Variants in PTPRT observed in about 807,000 individuals in gnomAD.
PTPRT encodes the protein receptor-type tyrosine-protein phosphatase T.
PTPRT carries 56 observed loss-of-function variants against 176.8 expected under a neutral mutation model. That is an observed-to-expected ratio of 0.32 (90% CI 0.26 to 0.40). PTPRT has a LOEUF of 0.40. Among genes scored for constraint, PTPRT ranks in the 10% least tolerant of loss-of-function variants. PTPRT has a pLI of 1.00. For synonymous variants in PTPRT, 783 were observed against 739.0 expected, an observed-to-expected ratio of 1.06 and a Z score of -0.96; for missense variants, 1,540 against 1,908.2, an observed-to-expected ratio of 0.81 and a Z score of 3.60.
At chr20:43,183,048 C>G (rs906793307) in intron 1 of PTPRT, among the ~76,000 whole-genome samples, 1 of 152,154 alleles carries the variant, frequency 6.6e-6, no homozygotes, top group Admixed American at 6.5e-5. Flanking sequence ...CAAATTAGCA[C>G]TCAGAAAGGC....
intron 1 of PTPRT, among the ~76,000 whole-genome samples, chr20:43,086,055 C>T (rs753344341): frequency 3.9e-5 from 6 of 152,090 alleles, no homozygotes; most frequent in Non-Finnish European, 7.4e-5. Flanking sequence ...AGGAATTACA[C>T]GATGGCCCAA....
At chr20:42,082,499 A>C (rs1358383807) in intron 29 of PTPRT, among the ~76,000 whole-genome samples, 2 of 152,202 alleles carry the variant, frequency 1.3e-5, no homozygotes, top group Non-Finnish European at 2.9e-5. Flanking sequence ...TTTTCCTACT[A>C]GTTCTTCCCA....
intron 7 of PTPRT, among the ~76,000 whole-genome samples, chr20:42,587,076 A>G (rs2073483863): frequency 6.6e-6 from 1 of 152,058 alleles, no homozygotes. Context: ...CCTCAACCAC[A>G]TTTCAGCACC....
chr20:42,530,451 G>C (rs1334238906), intron 7 of PTPRT, among the ~76,000 whole-genome samples: 1 of 152,230 alleles, frequency 6.6e-6, no homozygotes, highest in Non-Finnish European at 1.5e-5. Context: ...AGTGTTGGGG[G>C]AGGTATAAAC....
chr20:43,094,014 CT>C (rs1465637688), intron 1 of PTPRT, among the ~76,000 whole-genome samples: 2 of 152,130 alleles, frequency 1.3e-5, no homozygotes, highest in Non-Finnish European at 2.9e-5. Flanking sequence ...CCGTCATTCT[CT>C]CCCACTATCC....
At chr20:43,095,707 GTC>G (rs368882731) in intron 1 of PTPRT, among the ~76,000 whole-genome samples, 221 of 88,318 alleles carry the variant, frequency 2.5e-3, no homozygotes, top group African/African-American at 0.012. Context: ...TCCTCTCTCT[GTC>G]TCTGTTTCTT....
chr20:42,276,496 AATATATATATATATATAT>A (rs61484693), intron 13 of PTPRT, among the ~76,000 whole-genome samples: 130 of 44,158 alleles, frequency 2.9e-3, no homozygotes, highest in African/African-American at 5.2e-3. Flanking sequence ...GAAAGAAGGA[AATATATATATATATATAT>A]ATATATATAT....
intron 7 of PTPRT, among the ~76,000 whole-genome samples, chr20:42,524,571 T>A (rs951838322): frequency 6.6e-6 from 1 of 152,196 alleles, no homozygotes; most frequent in Non-Finnish European, 1.5e-5. Flanking sequence ...TCTGTTGCTA[T>A]GAAATTTCCT....
chr20:43,128,933 G>A (rs572724070), intron 1 of PTPRT, among the ~76,000 whole-genome samples: 14 of 152,198 alleles, frequency 9.2e-5, no homozygotes, highest in Non-Finnish European at 1.3e-4. Context: ...ATATTTATTC[G>A]TACATATAAA....
chr20:42,793,629 A>G (rs902814318), intron 2 of PTPRT, among the ~76,000 whole-genome samples: 2 of 152,178 alleles, frequency 1.3e-5, no homozygotes, highest in Admixed American at 6.5e-5. Flanking sequence ...GCAGTAACAC[A>G]AGGTAAGTGG....
intron 4 of PTPRT, among the ~76,000 whole-genome samples, chr20:42,778,789 C>A (rs2077173869): frequency 6.6e-6 from 1 of 152,198 alleles, no homozygotes; most frequent in Non-Finnish European, 1.5e-5. Flanking sequence ...TACATAAACC[C>A]TGCATAGCTG....
intron 2 of PTPRT, among the ~76,000 whole-genome samples, chr20:42,824,546 T>C (rs208236): frequency 0.013 from 1,927 of 152,170 alleles, 54 homozygotes; most frequent in African/African-American, 0.044. Context: ...GGTTCTGGAA[T>C]ACTGATTAAC....
chr20:42,109,444 C>T lies in PTPRT; in HGVS notation c.3254+889G>A, dbSNP rs6029977. On this transcript the variant is annotated intron_variant, in intron 23 of 30. Coordinates refer to ENST00000373187, the MANE Select transcript of PTPRT (RefSeq NM_007050.6). Reference sequence around the variant, plus strand: ...TTTGGGAGGATTCAAAGACATGCCACTCATTCTCAATGTGACTTTCTAGGT... The same window carrying T: ...TTTGGGAGGATTCAAAGACATGCCATTCATTCTCAATGTGACTTTCTAGGT... Among the ~76,000 whole-genome samples, 1,498 of 152,290 alleles carry T rather than the reference C, an allele frequency of 9.8e-3. 23 individuals are homozygous for T. Among genetic ancestry groups the T allele is most frequent in the African/African-American group, 0.034 (1,422 of 41,546 alleles).
chr20:42,085,175 T>C (rs768941273), intron 28 of PTPRT, among the ~76,000 whole-genome samples: 1 of 152,208 alleles, frequency 6.6e-6, no homozygotes, highest in African/African-American at 2.4e-5. Context: ...AGAACATGTC[T>C]CACTGTCTCA....
At chr20:42,183,234 C>T (rs1307602065) in intron 16 of PTPRT, among the ~76,000 whole-genome samples, 1 of 152,080 alleles carries the variant, frequency 6.6e-6, no homozygotes, top group Non-Finnish European at 1.5e-5. Context: ...TCCTATGGTT[C>T]TAATATTTCA....
chr20:43,179,371 T>C (rs1285096167), intron 1 of PTPRT, among the ~76,000 whole-genome samples: 1 of 152,200 alleles, frequency 6.6e-6, no homozygotes, highest in Non-Finnish European at 1.5e-5. Flanking sequence ...CCTCTGGAAA[T>C]GGGTTAGAAA....
At chr20:42,885,326 A>G (rs1163813245) in intron 2 of PTPRT, among the ~76,000 whole-genome samples, 1 of 147,762 alleles carries the variant, frequency 6.8e-6, no homozygotes, top group Non-Finnish European at 1.5e-5. Context: ...TATAAAATAT[A>G]TGTAAATAAT....
chr20:42,433,510 G>C (rs1305631294), intron 9 of PTPRT, among the ~76,000 whole-genome samples: 1 of 152,190 alleles, frequency 6.6e-6, no homozygotes, highest in East Asian at 1.9e-4. Context: ...GGCCATGTTG[G>C]AGTGCAGTGG....
At chr20:42,347,869 G>A (rs2058218077) in intron 11 of PTPRT, among the ~76,000 whole-genome samples, 1 of 152,152 alleles carries the variant, frequency 6.6e-6, no homozygotes, top group Non-Finnish European at 1.5e-5. Flanking sequence ...ACCAAGTTCT[G>A]TTCAGTGACA....
Sources: gnomAD v4.1 joint callset for allele counts (sites outside exome capture counted in the v4.1 genomes callset) on GRCh38, gnomAD v4.1.1 for gene constraint, MANE v1.5 for transcripts, NCBI Gene and HGNC (gene_info 2026-07-23, HGNC 2026-07-21) for gene names.